Variants in ASAP1 observed in about 807,000 individuals in gnomAD.
The protein encoded by ASAP1 is ArfGAP with SH3 domain, ankyrin repeat and PH domain 1, also known as arf-GAP with SH3 domain, ANK repeat and PH domain-containing protein 1.
Under a neutral mutation model 145.2 loss-of-function variants are expected in ASAP1, and 43 were observed. The observed-to-expected ratio is 0.30, with a 90% CI of 0.23 to 0.38. ASAP1 has a LOEUF of 0.38. ASAP1 is among the 10% of genes least tolerant of loss of function. The pLI, the probability that ASAP1 is intolerant of heterozygous loss-of-function variation, is 1.00. For missense variants in ASAP1, 1,018 were observed against 1,355.3 expected (o/e 0.75, Z 3.91); for synonymous variants, 546 against 515.5 (o/e 1.06, Z -0.80).
At position 130,299,684 on chromosome 8, in the gene ASAP1, AACAG is replaced by A. The variant is rs564372871; in HGVS notation, c.186+58329_186+58332del. ...TGCAAAATAATTTAGAATTTAAAGA[AACAG>A]AGAGATCAAGAAGACAAAAATCAGC... On this transcript the variant is annotated intron_variant, in intron 3 of 29. Coordinates refer to ENST00000518721, the MANE Select transcript of ASAP1 (RefSeq NM_018482.4). 4.3e-4 allele frequency among the ~76,000 whole-genome samples: 55 copies of A among 127,186 alleles called. 1 individual carries two copies. The East Asian group carries it at 0.011, about 25-fold the overall frequency. 83.4% of individuals were successfully genotyped at this position (127,186 alleles called of 152,430 possible).
chr8:130,363,298 G>A (rs1046771444), intron 2 of ASAP1, among the ~76,000 whole-genome samples: 1 of 152,146 alleles, frequency 6.6e-6, no homozygotes, highest in Non-Finnish European at 1.5e-5. Flanking sequence ...GGCTGAGGTG[G>A]GAGGACTGCT....
chr8:130,222,283 T>C (rs1020039695), intron 4 of ASAP1, among the ~76,000 whole-genome samples: 10 of 152,230 alleles, frequency 6.6e-5, no homozygotes, highest in African/African-American at 2.4e-4. Context: ...CTTACCAAAC[T>C]GGGCAATATT....
chr8:130,121,984 A>C (rs1371759741), intron 18 of ASAP1, among the ~76,000 whole-genome samples: 1 of 151,868 alleles, frequency 6.6e-6, no homozygotes, highest in African/African-American at 2.4e-5. Context: ...CTCTCCCGCC[A>C]CATCTTCCTT....
In ASAP1 at chr8:130,128,049, G is replaced by C; in HGVS notation, c.1259C>G (p.Thr420Ser). ...VLTNSKEEAL[T>S]MAFRGEQSAG... is the part of the protein sequence containing the mutation. ...ACTCTGCTCTCCACGGAAGGCCATG[G>C]TTAGGGCCTCTTCTTTGCTATTTGT... The change falls in exon 16 of 30, where the codon ACC becomes AGC. Residue 420 changes from threonine (T) to serine (S), a missense_variant. By Grantham distance (58) the Thr-to-Ser change is moderately conservative (BLOSUM62 1). This residue lies in a region of ASAP1 where 153 missense variants were observed against 221.6 expected (regional missense o/e 0.69). Coordinates refer to ENST00000518721, the MANE Select transcript of ASAP1 (RefSeq NM_018482.4). 1 of 1,611,478 alleles carries C rather than the reference G, an allele frequency of 6.2e-7. No individual in the cohort carries two copies. The highest frequency in any genetic ancestry group is 8.5e-7 in the Non-Finnish European group (1 of 1,179,216).
At chr8:130,136,575 T>A (rs1056747121) in intron 14 of ASAP1, among the ~76,000 whole-genome samples, 12 of 140,508 alleles carry the variant, frequency 8.5e-5, no homozygotes, top group East Asian at 2.2e-4. Context: ...TTTTTTTTTT[T>A]AAACTATGTC....
intron 17 of ASAP1, among the ~76,000 whole-genome samples, chr8:130,124,350 G>A (rs751895553): frequency 1.3e-5 from 2 of 152,176 alleles, no homozygotes; most frequent in Non-Finnish European, 1.5e-5. Flanking sequence ...TCATAGTCTA[G>A]TGGGGCCATT....
intron 7 of ASAP1, among the ~76,000 whole-genome samples, chr8:130,186,277 C>T (rs929837815): frequency 1.3e-5 from 2 of 152,176 alleles, no homozygotes; most frequent in African/African-American, 4.8e-5. Flanking sequence ...CCTAAGACAG[C>T]AAGTCCCTAA....
chr8:130,214,268 C>G (rs1033250385), intron 5 of ASAP1, among the ~76,000 whole-genome samples: 4 of 152,088 alleles, frequency 2.6e-5, no homozygotes, highest in African/African-American at 9.7e-5. Flanking sequence ...GAAGAGAATT[C>G]AGGTTAAGCA....
chr8:130,060,502 G>T, intron 28 of ASAP1, 77 bp downstream of exon 28: 3 of 1,511,832 alleles, frequency 2.0e-6, no homozygotes, highest in Admixed American at 2.2e-5. Flanking sequence ...TCTTGTGTAA[G>T]TTGGAGCACC....
chr8:130,333,794 T>C (rs1359737128), intron 3 of ASAP1, among the ~76,000 whole-genome samples: 3 of 152,210 alleles, frequency 2.0e-5, no homozygotes, highest in African/African-American at 4.8e-5. Flanking sequence ...CATTCAGTAG[T>C]ATTTCTGGAG....
chr8:130,080,478 CTT>C (rs398047411), intron 25 of ASAP1, among the ~76,000 whole-genome samples: 6 of 71,152 alleles, frequency 8.4e-5, no homozygotes. Flanking sequence ...CATTCTCTCT[CTT>C]TTTTTTTTTT....
chr8:130,106,364 G>A (rs56355445), intron 24 of ASAP1, among the ~76,000 whole-genome samples: 1 of 152,138 alleles, frequency 6.6e-6, no homozygotes, highest in Non-Finnish European at 1.5e-5. Context: ...TTTCCCATGC[G>A]AGTCTGAATC....
chr8:130,344,758 C>T (rs1215341673), intron 3 of ASAP1, among the ~76,000 whole-genome samples: 2 of 151,946 alleles, frequency 1.3e-5, no homozygotes, highest in African/African-American at 4.8e-5. Context: ...AACAAACAAA[C>T]AAACAAAAAA....
chr8:130,145,732 T>C (rs2097627613), intron 13 of ASAP1, among the ~76,000 whole-genome samples: 1 of 152,076 alleles, frequency 6.6e-6, no homozygotes, highest in Admixed American at 6.6e-5. Context: ...TACAACTAAG[T>C]ACCACTATTA....
chr8:130,112,021 AG>A (rs2097547727), intron 24 of ASAP1, 72 bp downstream of exon 24: 1 of 1,393,886 alleles, frequency 7.2e-7, no homozygotes. Flanking sequence ...AAAGCTGGCT[AG>A]ACTATCAGCT....
chr8:130,123,960 G>C (rs2097570782), intron 18 of ASAP1, 53 bp downstream of exon 18: 1 of 1,352,322 alleles, frequency 7.4e-7, no homozygotes, highest in Non-Finnish European at 1.0e-6. Flanking sequence ...TGGAAGGGTA[G>C]AAAAACAATT....
intron 12 of ASAP1, among the ~76,000 whole-genome samples, chr8:130,159,230 C>G (rs1035471353): frequency 6.6e-6 from 1 of 152,014 alleles, no homozygotes; most frequent in African/African-American, 2.4e-5. Flanking sequence ...AGAGCTTTTG[C>G]CAGATTGGCT....
At position 130,150,105 on chromosome 8, in the gene ASAP1, A is replaced by C. The variant is rs367897760; in HGVS notation, c.1080+2631T>G. ...CACACATGGCATGTTATCTCACTGAATCCTCATATAATCTTTATGTGTTAA... is the reference window on the plus strand; with the variant it reads ...CACACATGGCATGTTATCTCACTGACTCCTCATATAATCTTTATGTGTTAA... On this transcript the variant is annotated intron_variant, in intron 13 of 29. Transcript: ENST00000518721. Among the ~76,000 whole-genome samples the C allele has an allele frequency of 9.8e-5, 15 of 152,340 alleles. 1 individual carries two copies. The highest frequency in any genetic ancestry group is 3.4e-3 in the Middle Eastern group (1 of 294).
intron 24 of ASAP1, among the ~76,000 whole-genome samples, chr8:130,098,600 G>A (rs1369265403): frequency 3.3e-5 from 5 of 152,036 alleles, no homozygotes; most frequent in African/African-American, 9.7e-5. Context: ...CGCCCGCCTC[G>A]GCCTCCCAAA....
Sources: gnomAD v4.1 joint callset for allele counts (sites outside exome capture counted in the v4.1 genomes callset) on GRCh38, gnomAD v4.1.1 for gene constraint, gnomAD v4.1.1 regional missense constraint, MANE v1.5 for transcripts, NCBI Gene and HGNC (gene_info 2026-07-23, HGNC 2026-07-21) for gene names.